Variants in NRXN3 observed in about 807,000 individuals in gnomAD.
NRXN3 encodes the protein neurexin III.
Under a neutral mutation model 137.6 loss-of-function variants are expected in NRXN3, and 32 were observed. The ratio of observed to expected loss-of-function variants is 0.23; its 90% CI spans 0.18 to 0.31. NRXN3 has a LOEUF of 0.31. Ranked by LOEUF, NRXN3 falls within the 10% of genes least tolerant of loss-of-function variation. NRXN3 has a pLI of 1.00. For missense variants in NRXN3, 1,574 were observed against 2,062.5 expected (o/e 0.76, Z 4.59); for synonymous variants, 798 against 784.5 (o/e 1.02, Z -0.29).
chr14:79,196,265 C>T (rs747567174), intron 15 of NRXN3, among the ~76,000 whole-genome samples: 4 of 152,132 alleles, frequency 2.6e-5, no homozygotes, highest in Non-Finnish European at 4.4e-5. Flanking sequence ...AACAGAATGC[C>T]CCAGACTGGG....
chr14:79,340,746 A>G (rs928689422), intron 15 of NRXN3, among the ~76,000 whole-genome samples: 3 of 152,176 alleles, frequency 2.0e-5, no homozygotes, highest in African/African-American at 7.2e-5. Flanking sequence ...TTACAGGCGT[A>G]AGCCACCGCG....
At chr14:79,767,147 AAGGTCC>A (rs1183128834) in intron 19 of NRXN3, among the ~76,000 whole-genome samples, 1 of 152,186 alleles carries the variant, frequency 6.6e-6, no homozygotes, top group African/African-American at 2.4e-5. Context: ...TATGGCCTAC[AAGGTCC>A]AGTACAATCT....
intron 15 of NRXN3, among the ~76,000 whole-genome samples, chr14:79,167,194 A>C (rs1348994283): frequency 6.6e-6 from 1 of 151,990 alleles, no homozygotes; most frequent in Non-Finnish European, 1.5e-5. Context: ...GTTATGAAGG[A>C]ATTTTATTTA....
chr14:79,307,319 T>C (rs143265090), intron 15 of NRXN3, among the ~76,000 whole-genome samples: 153 of 152,274 alleles, frequency 1.0e-3, no homozygotes, highest in African/African-American at 3.6e-3. Flanking sequence ...AACCATCATA[T>C]TCTACCACCT....
At chr14:79,559,641 G>T (rs2097468654) in intron 16 of NRXN3, among the ~76,000 whole-genome samples, 1 of 151,990 alleles carries the variant, frequency 6.6e-6, no homozygotes, top group African/African-American at 2.4e-5. Flanking sequence ...TGTGAAGTGA[G>T]CCCATGCTGT....
At chr14:79,484,827 G>C (rs1416114481) in intron 16 of NRXN3, among the ~76,000 whole-genome samples, 1 of 152,154 alleles carries the variant, frequency 6.6e-6, no homozygotes, top group Non-Finnish European at 1.5e-5. Flanking sequence ...TGCCTGCTCA[G>C]AAACATCTGG....
chr14:79,006,867 C>T (rs554744273), intron 15 of NRXN3, among the ~76,000 whole-genome samples: 138 of 152,246 alleles, frequency 9.1e-4, no homozygotes, highest in Non-Finnish European at 1.4e-3. Context: ...AAAATTCCAT[C>T]AGCTAAGTTC....
At chr14:79,117,558 G>A (rs2054656007) in intron 15 of NRXN3, among the ~76,000 whole-genome samples, 2 of 152,042 alleles carry the variant, frequency 1.3e-5, no homozygotes, top group Admixed American at 1.3e-4. Flanking sequence ...TCTGAGGTAT[G>A]CCCCCCAAAA....
intron 4 of NRXN3, among the ~76,000 whole-genome samples, chr14:78,519,975 A>G (rs561187429): frequency 1.3e-5 from 2 of 152,328 alleles, no homozygotes; most frequent in Non-Finnish European, 1.5e-5. Flanking sequence ...TCAACCAAAG[A>G]AGACCCAAGT....
At chr14:79,318,683 A>C (rs1232057312) in intron 15 of NRXN3, among the ~76,000 whole-genome samples, 1 of 152,078 alleles carries the variant, frequency 6.6e-6, no homozygotes, top group East Asian at 1.9e-4. Flanking sequence ...ACTAGAGATG[A>C]GCTTGGGTGC....
At chr14:78,615,064 AT>A (rs1214427245) in intron 4 of NRXN3, 1 of 456,630 alleles carries the variant, frequency 2.2e-6, no homozygotes, top group Non-Finnish European at 4.4e-6. Flanking sequence ...CCATGGTTAG[AT>A]TAGGCTAATT....
intron 11 of NRXN3, among the ~76,000 whole-genome samples, chr14:78,962,895 G>A (rs2099410794): frequency 1.3e-5 from 2 of 151,980 alleles, no homozygotes; most frequent in South Asian, 2.1e-4. Flanking sequence ...TGTATTTTTA[G>A]TAAAGACGGG....
intron 4 of NRXN3, among the ~76,000 whole-genome samples, chr14:78,385,183 TGAAAG>T (rs1027876146): frequency 9.2e-5 from 14 of 151,588 alleles, no homozygotes; most frequent in Non-Finnish European, 1.9e-4. Flanking sequence ...ATAAAAAAAA[TGAAAG>T]GAAATAAATC....
At chr14:79,097,404 G>A (rs1409125620) in intron 15 of NRXN3, among the ~76,000 whole-genome samples, 1 of 152,178 alleles carries the variant, frequency 6.6e-6, no homozygotes, top group Non-Finnish European at 1.5e-5. Context: ...CTTTCCAAGG[G>A]TAAGCATGGC....
intron 15 of NRXN3, among the ~76,000 whole-genome samples, chr14:79,030,422 C>A (rs1301862309): frequency 2.0e-5 from 3 of 151,998 alleles, no homozygotes; most frequent in Non-Finnish European, 4.4e-5. Flanking sequence ...CCCCCAGAAC[C>A]CTGCCTTGAC....
At chr14:79,658,215 T>A (rs1295364811) in intron 16 of NRXN3, among the ~76,000 whole-genome samples, 3 of 152,204 alleles carry the variant, frequency 2.0e-5, no homozygotes, top group African/African-American at 7.2e-5. Flanking sequence ...ATTGTGTGAA[T>A]TCTCTTGTAA....
At chr14:79,380,514 A>C (rs2094441591) in intron 15 of NRXN3, among the ~76,000 whole-genome samples, 1 of 152,120 alleles carries the variant, frequency 6.6e-6, no homozygotes, top group African/African-American at 2.4e-5. Flanking sequence ...ATGTCCCTAC[A>C]AAGGACATGA....
intron 4 of NRXN3, among the ~76,000 whole-genome samples, chr14:78,568,126 G>A (rs943188891): frequency 6.6e-6 from 1 of 152,168 alleles, no homozygotes; most frequent in Admixed American, 6.6e-5. Context: ...TGGAAGTGGG[G>A]CTCATGTTCT....
intron 19 of NRXN3, among the ~76,000 whole-genome samples, chr14:79,742,385 G>A (rs1014638938): frequency 6.6e-6 from 1 of 152,062 alleles, no homozygotes; most frequent in Non-Finnish European, 1.5e-5. Flanking sequence ...TTAACTCCTT[G>A]TACTGAATGA....
Sources: gnomAD v4.1 joint callset for allele counts (sites outside exome capture counted in the v4.1 genomes callset) on GRCh38, gnomAD v4.1.1 for gene constraint, MANE v1.5 for transcripts, NCBI Gene and HGNC (gene_info 2026-07-23, HGNC 2026-07-21) for gene names.